RAB40C: variants seen among roughly 807,000 people sequenced by gnomAD.
RAB40C encodes RAB40C, member RAS oncogene family.
RAB40C carries 8 observed loss-of-function variants against 28.1 expected under a neutral mutation model. That is an observed-to-expected ratio of 0.28 (90% CI 0.17 to 0.51). The LOEUF is 0.51. Ranked by LOEUF, RAB40C falls within the 20% of genes least tolerant of loss-of-function variation. The pLI, the probability that RAB40C is intolerant of heterozygous loss-of-function variation, is 0.97. For synonymous variants in RAB40C, 201 were observed against 171.7 expected, an observed-to-expected ratio of 1.17 and a Z score of -1.34; for missense variants, 288 against 405.9, an observed-to-expected ratio of 0.71 and a Z score of 2.50.
At position 625,988 on chromosome 16, in the gene RAB40C, C is replaced by T. The variant is rs372126150; in HGVS notation, c.432C>T (p.Tyr144=). The change falls in exon 5 of 6, where the codon TAC becomes TAT. Residue 144 remains tyrosine (Y), a synonymous_variant. Transcript: ENST00000248139. Reference sequence around the variant, plus strand: ...TCCCGACGGAGCAGGCCCGCGCGTACGCAGAGAAGAACTGCATGACCTTCT... The same window carrying T: ...TCCCGACGGAGCAGGCCCGCGCGTATGCAGAGAAGAACTGCATGACCTTCT... ...RQVPTEQARA[Y]AEKNCMTFFE... 90 of 1,613,122 alleles carry T rather than the reference C, an allele frequency of 5.6e-5. No individual in the cohort carries two copies. Among genetic ancestry groups the T allele is most frequent in the Admixed American group, 1.0e-4 (6 of 60,002 alleles).
Position 594,209 on chromosome 16 carries a change from G to A in RAB40C, c.142+3776G>A, listed in dbSNP as rs61095721. Among the ~76,000 whole-genome samples the A allele has an allele frequency of 2.0e-5, 3 of 152,308 alleles. No homozygotes were observed. In the East Asian group the frequency reaches 5.8e-4, roughly 29 times the overall value. On this transcript the variant is annotated intron_variant, in intron 1 of 5. Transcript: ENST00000248139. Reference sequence around the variant, plus strand: ...ACGTTGGTCAGGGTGTGTGTGCCCGGGTCCTGGAAGACTTCAGAAGGGGTT... The same window carrying A: ...ACGTTGGTCAGGGTGTGTGTGCCCGAGTCCTGGAAGACTTCAGAAGGGGTT...
intron 1 of RAB40C, among the ~76,000 whole-genome samples, chr16:605,352 C>A (rs1384345307): frequency 1.3e-5 from 2 of 152,200 alleles, no homozygotes; most frequent in Admixed American, 1.3e-4. Flanking sequence ...TTTAATTAAT[C>A]AGCTTTATTG....
chr16:601,842 A>T (rs2036258122), intron 1 of RAB40C, among the ~76,000 whole-genome samples: 1 of 149,388 alleles, frequency 6.7e-6, no homozygotes, highest in Non-Finnish European at 1.5e-5. Flanking sequence ...AAAAAAAAAA[A>T]AAAGGCCGGA....
intron 1 of RAB40C, among the ~76,000 whole-genome samples, chr16:602,519 G>C (rs1159715133): frequency 6.6e-6 from 1 of 152,120 alleles, no homozygotes; most frequent in Non-Finnish European, 1.5e-5. Context: ...TGCAACGTCT[G>C]CCTCCTGGGT....
rs151211957 is a variant in RAB40C, at chr16:621,914, G to C, written c.265-3518G>C. Among the ~76,000 whole-genome samples, 975 of 152,316 alleles carry C rather than the reference G, an allele frequency of 6.4e-3. 9 individuals carry two copies. Among genetic ancestry groups the C allele is most frequent in the African/African-American group, 0.022 (924 of 41,558 alleles). ...CGTGCTGCTGGCTTGTCGGCACACA[G>C]GTGGGCGGGTGGATGTGAGTGGGCG... On this transcript the variant is annotated intron_variant, in intron 3 of 5. Coordinates refer to ENST00000248139, the MANE Select transcript of RAB40C (RefSeq NM_021168.5).
intron 1 of RAB40C, among the ~76,000 whole-genome samples, chr16:594,454 A>T (rs550919469): frequency 5.9e-5 from 9 of 152,248 alleles, no homozygotes; most frequent in Middle Eastern, 6.8e-3. Flanking sequence ...TGCTGTACCC[A>T]TGGGAGCGAG....
At chr16:598,505 G>T (rs1378517405) in intron 1 of RAB40C, among the ~76,000 whole-genome samples, 1 of 150,044 alleles carries the variant, frequency 6.7e-6, no homozygotes, top group Admixed American at 6.7e-5. Flanking sequence ...AGGTTGCAGA[G>T]AGCTGAGATT....
rs117287956 is a variant in RAB40C at position 606,624 on chromosome 16, A to G, written c.143-10584A>G. 8.8e-3 allele frequency among the ~76,000 whole-genome samples: 1,344 copies of G among 152,362 alleles called. 27 individuals are homozygous for G. The highest frequency in any genetic ancestry group is 0.048 in the Admixed American group (741 of 15,308). On this transcript the variant is annotated intron_variant, in intron 1 of 5. Coordinates refer to ENST00000248139, the MANE Select transcript of RAB40C (RefSeq NM_021168.5). ...TCTTGCTCGTTGGGAGGTTGGCAGA[A>G]TTCCGTTCTTGCTGGTGGTAGGACT...
In RAB40C at chr16:627,653, C is replaced by G. The variant is rs745503618; in HGVS notation, c.*31C>G. On this transcript the variant is annotated 3_prime_UTR_variant, in exon 6 of 6. Transcript: ENST00000248139. ...ATGGGCGGGGCCGCCTGTGCAGATG[C>G]CAGGAGGGCTCGAGCTGGACACTCC... The G allele has an allele frequency of 1.0e-5, 16 of 1,543,020 alleles. No individual in the cohort carries two copies. In the African/African-American group the frequency reaches 1.5e-4, roughly 15 times the overall value.
At chr16:617,751 T>G (rs1458372213) in intron 2 of RAB40C, among the ~76,000 whole-genome samples, 6 of 151,516 alleles carry the variant, frequency 4.0e-5, no homozygotes, top group Non-Finnish European at 5.9e-5. Flanking sequence ...GCTGAGGCAG[T>G]AGAATCACTT....
intron 3 of RAB40C, chr16:625,061 G>T: frequency 7.7e-7 from 1 of 1,295,746 alleles, no homozygotes; most frequent in Non-Finnish European, 1.0e-6. Context: ...CTCCCGGGGG[G>T]ATTCACTGAT....
In RAB40C at chr16:615,996, G is replaced by A. The variant is rs189158418; in HGVS notation, c.143-1212G>A. Among the ~76,000 whole-genome samples, 144 of 151,960 alleles carry A rather than the reference G, an allele frequency of 9.5e-4. 1 individual carries two copies. The highest frequency in any genetic ancestry group is 3.2e-3 in the African/African-American group (133 of 41,428). On this transcript the variant is annotated intron_variant, in intron 1 of 5. Coordinates refer to ENST00000248139, the MANE Select transcript of RAB40C (RefSeq NM_021168.5). ...AAAAAGGCCGGGTGCAGTGGCTCAC[G>A]CCTGTAATCCTAGCACTTTGGGAGG...
In RAB40C at chr16:590,553, G is replaced by A; in HGVS notation, c.142+120G>A. On this transcript the variant is annotated intron_variant, in intron 1 of 5. Transcript: ENST00000248139. ...GCCGAACGTTCCCAGGAACGCCTTTGCCTGGCTTCCAGACTCGGTAGCTCG... is the reference window on the plus strand; with the variant it reads ...GCCGAACGTTCCCAGGAACGCCTTTACCTGGCTTCCAGACTCGGTAGCTCG... 3.9e-6 allele frequency: 5 copies of A among 1,279,374 alleles called. No homozygotes were observed. The African/African-American group carries it at 8.0e-5, about 20-fold the overall frequency. 79.3% of individuals were successfully genotyped at this position (1,279,374 alleles called of 1,614,324 possible).
At position 625,490 on chromosome 16, in the gene RAB40C, G is replaced by T; in HGVS notation, c.323G>T (p.Trp108Leu). 6.2e-7 allele frequency: 1 copy of T among 1,613,518 alleles called. No homozygotes were observed. The highest frequency in any genetic ancestry group is 1.1e-5 in the South Asian group (1 of 91,082). ...NRWSFDGIDRWIKEIDEHAPG... is the reference protein window; with the variant it reads ...NRWSFDGIDRLIKEIDEHAPG... ...TGGTCCTTTGACGGCATCGACCGCT[G>T]GATCAAGGAGATCGATGAGGTAGGC... The change falls in exon 4 of 6, where the codon TGG becomes TTG. Residue 108 changes from tryptophan to leucine, a missense_variant. Physicochemically the swap from Trp to Leu is moderately conservative, Grantham distance 61. Around this residue, in one of 3 missense-constraint regions of RAB40C, gnomAD observed 153 missense variants for 262.4 expected, o/e 0.58. Transcript: ENST00000248139.
At chr16:617,334 C>T in intron 2 of RAB40C, 66 bp downstream of exon 2, 1 of 1,580,180 alleles carries the variant, frequency 6.3e-7, no homozygotes, top group East Asian at 2.2e-5. Context: ...AGAACAGAAC[C>T]CTTAGAGAAA....
At chr16:611,081 G>A (rs1332867534) in intron 1 of RAB40C, among the ~76,000 whole-genome samples, 2 of 152,224 alleles carry the variant, frequency 1.3e-5, no homozygotes, top group East Asian at 1.9e-4. Flanking sequence ...AACCGGGTGC[G>A]GAGCCTGCAG....
rs60094426 is a variant in RAB40C, at chr16:601,815, T to TAAAAAAAA, written c.142+11405_142+11412dup. On this transcript the variant is annotated intron_variant, in intron 1 of 5. Coordinates refer to ENST00000248139, the MANE Select transcript of RAB40C (RefSeq NM_021168.5). ...AAGGCCCTATCCCTGCAAAAAAAAGTAAAAAAAAAAAAAAAAAAAAAAAAA... is the reference window on the plus strand; with the variant it reads ...AAGGCCCTATCCCTGCAAAAAAAAGTAAAAAAAAAAAAAAAAAAAAAAAAAAAAAAAAA... Among the ~76,000 whole-genome samples, 61 of 27,202 alleles carry TAAAAAAAA rather than the reference T, an allele frequency of 2.2e-3. 4 individuals are homozygous for TAAAAAAAA. The highest frequency in any genetic ancestry group is 4.9e-3 in the South Asian group (3 of 608). 17.8% of individuals were successfully genotyped at this position (27,202 alleles called of 152,430 possible).
intron 1 of RAB40C, among the ~76,000 whole-genome samples, chr16:592,602 C>T (rs528145776): frequency 9.9e-5 from 15 of 152,224 alleles, no homozygotes; most frequent in Non-Finnish European, 2.1e-4. Flanking sequence ...AGGTGGTGGG[C>T]GGCCAAGTTG....
chr16:621,871 C>T (rs1041268617), intron 3 of RAB40C, among the ~76,000 whole-genome samples: 1 of 152,140 alleles, frequency 6.6e-6, no homozygotes, highest in African/African-American at 2.4e-5. Flanking sequence ...TTATGTGGAG[C>T]GTGGTACGGG....
Sources: gnomAD v4.1 joint callset for allele counts (sites outside exome capture counted in the v4.1 genomes callset) on GRCh38, gnomAD v4.1.1 for gene constraint, gnomAD v4.1.1 regional missense constraint, MANE v1.5 for transcripts, NCBI Gene and HGNC (gene_info 2026-07-23, HGNC 2026-07-21) for gene names.